The following FILIP1 variants were observed in gnomAD, a reference collection of about 807,000 sequenced individuals.
FILIP1 encodes filamin A interacting protein 1.
In FILIP1, 61 loss-of-function variants were observed where a neutral mutation model predicts 102.1. The ratio of observed to expected loss-of-function variants is 0.60; its 90% confidence interval spans 0.49 to 0.74. The LOEUF (loss-of-function observed/expected upper bound fraction) is 0.74. FILIP1 is among the 30% of genes least tolerant of loss of function. FILIP1 has a pLI of 0.00. For missense variants in FILIP1, 1,314 were observed against 1,441.2 expected (o/e 0.91, Z 1.43); for synonymous variants, 491 against 526.9 (o/e 0.93, Z 0.93).
At chr6:75,439,954 A>ATCCTACCTC (rs1458318459) in intron 1 of FILIP1, among the ~76,000 whole-genome samples, 4 of 152,380 alleles carry the variant, frequency 2.6e-5, no homozygotes, top group Middle Eastern at 6.8e-3. Context: ...CACCATGGAT[A>ATCCTACCTC]TCCTACCTCA....
At chr6:75,298,577 A>G (rs975349853) in intron 6 of FILIP1, among the ~76,000 whole-genome samples, 1 of 152,194 alleles carries the variant, frequency 6.6e-6, no homozygotes, top group African/African-American at 2.4e-5. Flanking sequence ...AACTTACTCA[A>G]TAAGAATCAC....
At chr6:75,465,544 C>T in intron 1 of FILIP1, 4 of 626,614 alleles carry the variant, frequency 6.4e-6, no homozygotes, top group South Asian at 5.1e-5. Flanking sequence ...ACTCCTTCAG[C>T]TGCCTGAAGG....
chr6:75,479,529 T>C (rs1343386597), intron 1 of FILIP1, among the ~76,000 whole-genome samples: 1 of 152,190 alleles, frequency 6.6e-6, no homozygotes, highest in Non-Finnish European at 1.5e-5. Context: ...AAATTATTTA[T>C]GTCATTTGTC....
intron 4 of FILIP1, among the ~76,000 whole-genome samples, chr6:75,329,883 T>G (rs1774011126): frequency 6.6e-6 from 1 of 152,192 alleles, no homozygotes; most frequent in African/African-American, 2.4e-5. Context: ...GTACATGAGG[T>G]ATCCATGACC....
At chr6:75,342,740 TC>T (rs1774455333) in intron 4 of FILIP1, among the ~76,000 whole-genome samples, 1 of 152,178 alleles carries the variant, frequency 6.6e-6, no homozygotes, top group African/African-American at 2.4e-5. Flanking sequence ...CTGTCCAAGT[TC>T]CTGATCCAAG....
At chr6:75,442,130 A>C (rs1778281281) in intron 1 of FILIP1, among the ~76,000 whole-genome samples, 1 of 151,250 alleles carries the variant, frequency 6.6e-6, no homozygotes, top group Non-Finnish European at 1.5e-5. Context: ...GGCGGAGCAG[A>C]GGCGCTCCCC....
At chr6:75,342,644 G>C (rs1426247069) in intron 4 of FILIP1, among the ~76,000 whole-genome samples, 1 of 152,168 alleles carries the variant, frequency 6.6e-6, no homozygotes, top group African/African-American at 2.4e-5. Flanking sequence ...CCATTAGGAA[G>C]GTGGATGAGA....
chr6:75,373,671 A>G (rs61456186), intron 2 of FILIP1, among the ~76,000 whole-genome samples: 1,696 of 150,214 alleles, frequency 0.011, 37 homozygotes, highest in African/African-American at 0.041. Context: ...AAGAAAATTA[A>G]AATCTTCCCC....
At chr6:75,337,871 G>A (rs1582365713) in intron 4 of FILIP1, among the ~76,000 whole-genome samples, 1 of 152,228 alleles carries the variant, frequency 6.6e-6, no homozygotes, top group Admixed American at 6.5e-5. Flanking sequence ...ACTGGAGGCA[G>A]AAATGGTAGT....
intron 2 of FILIP1, among the ~76,000 whole-genome samples, chr6:75,392,584 T>C (rs1215133833): frequency 1.3e-5 from 2 of 152,164 alleles, no homozygotes; most frequent in Non-Finnish European, 2.9e-5. Context: ...ACATTCAACC[T>C]GCCAGCAAAT....
At chr6:75,337,608 G>A (rs1774286852) in intron 4 of FILIP1, among the ~76,000 whole-genome samples, 1 of 151,922 alleles carries the variant, frequency 6.6e-6, no homozygotes, top group African/African-American at 2.4e-5. Context: ...ATGCATGGCA[G>A]GGCAGGAAGA....
At chr6:75,382,435 T>C (rs1239559393) in intron 2 of FILIP1, among the ~76,000 whole-genome samples, 1 of 152,172 alleles carries the variant, frequency 6.6e-6, no homozygotes. Flanking sequence ...GTCACTTTTT[T>C]CTGAAGAGAA....
intron 1 of FILIP1, among the ~76,000 whole-genome samples, chr6:75,453,106 C>T (rs1490735045): frequency 6.6e-6 from 1 of 152,188 alleles, no homozygotes; most frequent in Admixed American, 6.5e-5. Context: ...TCTTGGATTA[C>T]CCTAAGCTGG....
At chr6:75,490,542 T>C (rs1324363429) in intron 1 of FILIP1, among the ~76,000 whole-genome samples, 1 of 152,092 alleles carries the variant, frequency 6.6e-6, no homozygotes, top group African/African-American at 2.4e-5. Context: ...TTTAAATGAA[T>C]TGTACCAAAA....
chr6:75,477,267 G>A (rs889188045), intron 1 of FILIP1, among the ~76,000 whole-genome samples: 2 of 152,110 alleles, frequency 1.3e-5, no homozygotes, highest in African/African-American at 2.4e-5. Flanking sequence ...GTTACCGGAC[G>A]CTTGGAGTTG....
At chr6:75,407,450 T>A (rs570424009) in intron 2 of FILIP1, among the ~76,000 whole-genome samples, 4 of 152,028 alleles carry the variant, frequency 2.6e-5, no homozygotes, top group African/African-American at 9.6e-5. Flanking sequence ...ATGGTCTCCA[T>A]CTCCTGACCT....
chr6:75,354,371 G>C (rs942931186), intron 3 of FILIP1, among the ~76,000 whole-genome samples: 1 of 152,188 alleles, frequency 6.6e-6, no homozygotes, highest in African/African-American at 2.4e-5. Context: ...AGGAGTTCAA[G>C]ACCAGCCTGA....
At chr6:75,325,536 T>C (rs1773814201) in intron 4 of FILIP1, among the ~76,000 whole-genome samples, 1 of 152,066 alleles carries the variant, frequency 6.6e-6, no homozygotes, top group South Asian at 2.1e-4. Context: ...GGAATTTAAA[T>C]CAGCAAGAAA....
intron 1 of FILIP1, among the ~76,000 whole-genome samples, chr6:75,462,483 A>C (rs1015221805): frequency 6.6e-6 from 1 of 152,176 alleles, no homozygotes; most frequent in East Asian, 1.9e-4. Flanking sequence ...GCCCATCTTG[A>C]TATGTACCAC....
Sources: allele counts gnomAD v4.1 joint callset (sites outside exome capture counted in the v4.1 genomes callset), GRCh38; gene constraint gnomAD v4.1.1; transcripts MANE v1.5; gene names NCBI Gene and HGNC (gene_info 2026-07-23, HGNC 2026-07-21).